FGGY: variants seen among roughly 807,000 people sequenced by gnomAD.
FGGY encodes FGGY carbohydrate kinase domain-containing protein.
In FGGY, 72 loss-of-function variants were observed where a neutral mutation model predicts 71.3. That is an observed-to-expected ratio of 1.01 (90% CI 0.84 to 1.23). The LOEUF is 1.23. Ranked by LOEUF, FGGY falls within the 50% of genes most tolerant of loss-of-function variation. The pLI is 0.00. For missense variants in FGGY, 668 were observed against 682.3 expected (o/e 0.98, Z 0.23); for synonymous variants, 251 against 250.3 (o/e 1.00, Z -0.02).
At chr1:59,686,733 A>G (rs1037631570) in intron 14 of FGGY, among the ~76,000 whole-genome samples, 14 of 152,182 alleles carry the variant, frequency 9.2e-5, no homozygotes, top group African/African-American at 3.1e-4. Flanking sequence ...CGTATGATTC[A>G]TATTATAAGT....
intron 14 of FGGY, among the ~76,000 whole-genome samples, chr1:59,684,942 T>A (rs1005770526): frequency 6.6e-6 from 1 of 152,242 alleles, no homozygotes; most frequent in Non-Finnish European, 1.5e-5. Context: ...TGTGTTCATT[T>A]GATCTTCACC....
chr1:59,527,302 C>T (rs968910735), intron 7 of FGGY, among the ~76,000 whole-genome samples: 12 of 152,188 alleles, frequency 7.9e-5, no homozygotes, highest in Non-Finnish European at 1.2e-4. Context: ...TTGCTCCCTA[C>T]TAGTGCCTAG....
chr1:59,395,985 C>G (rs1012446767), intron 5 of FGGY, among the ~76,000 whole-genome samples: 1 of 152,146 alleles, frequency 6.6e-6, no homozygotes, highest in Non-Finnish European at 1.5e-5. Context: ...AATAATCACC[C>G]TAAGCCAGTT....
chr1:59,483,451 G>A (rs1187445064), intron 6 of FGGY, among the ~76,000 whole-genome samples: 1 of 152,164 alleles, frequency 6.6e-6, no homozygotes, highest in Non-Finnish European at 1.5e-5. Context: ...TAAAAGGGAA[G>A]TGCTGAGACC....
chr1:59,405,895 T>G (rs1557822330), intron 5 of FGGY, among the ~76,000 whole-genome samples: 1 of 151,882 alleles, frequency 6.6e-6, no homozygotes, highest in Non-Finnish European at 1.5e-5. Context: ...ATTATTCTAC[T>G]TCTTAGTGCT....
At chr1:59,623,459 G>A (rs964689877) in intron 9 of FGGY, among the ~76,000 whole-genome samples, 1 of 152,138 alleles carries the variant, frequency 6.6e-6, no homozygotes, top group African/African-American at 2.4e-5. Context: ...GTGCCACCAA[G>A]GAGAAGTACA....
chr1:59,684,742 G>A (rs1459880778), intron 14 of FGGY, among the ~76,000 whole-genome samples: 1 of 152,142 alleles, frequency 6.6e-6, no homozygotes. Flanking sequence ...AAGTCACCTT[G>A]CTGAACCTCA....
rs190190323 is a variant in FGGY at position 59,523,808 on chromosome 1, G to C, written c.799+11369G>C. Among the ~76,000 whole-genome samples the C allele has an allele frequency of 9.8e-5, 15 of 152,298 alleles. No individual in the cohort carries two copies. The East Asian group carries it at 2.9e-3, about 29-fold the overall frequency. On this transcript the variant is annotated intron_variant, in intron 7 of 15. Coordinates refer to ENST00000303721, the MANE Select transcript of FGGY (RefSeq NM_018291.5). The stretch of plus-strand genomic sequence containing the variant: ...GTAAGATAGTTAAAAACACACTACT[G>C]GTTCCATCAGCTGTCTCTTTGCCCT...
intron 7 of FGGY, among the ~76,000 whole-genome samples, chr1:59,546,635 T>C (rs893754048): frequency 5.3e-5 from 8 of 151,892 alleles, no homozygotes; most frequent in Non-Finnish European, 1.0e-4. Flanking sequence ...CAAGCTCTGC[T>C]TCCCAGGTTC....
At chr1:59,570,707 A>G (rs2095970461) in intron 8 of FGGY, among the ~76,000 whole-genome samples, 1 of 152,178 alleles carries the variant, frequency 6.6e-6, no homozygotes, top group South Asian at 2.1e-4. Flanking sequence ...CTTTCAATGT[A>G]AATAGGAAGT....
At chr1:59,684,459 G>A (rs773713667) in intron 14 of FGGY, among the ~76,000 whole-genome samples, 7 of 152,144 alleles carry the variant, frequency 4.6e-5, no homozygotes, top group African/African-American at 1.2e-4. Flanking sequence ...TCAGGGTACC[G>A]TGGGACCCCC....
chr1:59,667,139 C>T, intron 12 of FGGY, 144 bp from the exon 13 acceptor site: 2 of 1,053,850 alleles, frequency 1.9e-6, no homozygotes, highest in Non-Finnish European at 2.8e-6. Flanking sequence ...TCATAGACAA[C>T]ATAATCTCTG....
At chr1:59,346,155 T>C in intron 3 of FGGY, 92 bp from the exon 4 acceptor site, 2 of 1,482,126 alleles carry the variant, frequency 1.3e-6, no homozygotes, top group Non-Finnish European at 1.8e-6. Flanking sequence ...AGAAAGTACA[T>C]AGCATTTTGA....
At chr1:59,301,219 T>C (rs2042688877) in intron 1 of FGGY, among the ~76,000 whole-genome samples, 1 of 152,226 alleles carries the variant, frequency 6.6e-6, no homozygotes. Flanking sequence ...TCCTATTTTT[T>C]GATGATATTG....
rs535136802 is a variant in FGGY at position 59,665,800 on chromosome 1, A to G, written c.1297-1483A>G. On this transcript the variant is annotated intron_variant, in intron 12 of 15. Coordinates refer to ENST00000303721, the MANE Select transcript of FGGY (RefSeq NM_018291.5). The stretch of plus-strand genomic sequence containing the variant: ...ACCATTCTCCTGCCTCAGCCTCCCA[A>G]GTAGCTTGCACTACAGGTGCCCGTC... Among the ~76,000 whole-genome samples, 18 of 152,038 alleles carry G rather than the reference A, an allele frequency of 1.2e-4. No individual in the cohort carries two copies. The South Asian group carries it at 3.3e-3, about 28-fold the overall frequency.
chr1:59,552,136 G>A (rs1270062539), intron 7 of FGGY, among the ~76,000 whole-genome samples: 3 of 152,150 alleles, frequency 2.0e-5, no homozygotes, highest in Admixed American at 6.5e-5. Context: ...TGAGGGCAGG[G>A]GACACCAGCC....
chr1:59,480,355 C>T (rs755890988), intron 6 of FGGY, among the ~76,000 whole-genome samples: 17 of 152,134 alleles, frequency 1.1e-4, no homozygotes, highest in Non-Finnish European at 2.2e-4. Context: ...GCAAGATCTG[C>T]TCTCATGGTC....
In FGGY at chr1:59,433,719, T is replaced by C. The variant is rs563260967; in HGVS notation, c.555-23242T>C. On this transcript the variant is annotated intron_variant, in intron 5 of 15. Transcript: ENST00000303721. ...GACACATAGAGCCCAATGAGAACTC[T>C]GTTGGAAACTCAAGTTTCTCATTCT... Among the ~76,000 whole-genome samples, 12 of 152,360 alleles carry C rather than the reference T, an allele frequency of 7.9e-5. No individual in the cohort carries two copies. The East Asian group carries it at 2.1e-3, about 27-fold the overall frequency.
rs145950972 is a variant in FGGY at position 59,567,320 on chromosome 1, A to AAT, written c.903+13106_903+13107dup. Among the ~76,000 whole-genome samples the AAT allele has an allele frequency of 4.7e-3, 718 of 151,518 alleles. 3 individuals carry two copies. The highest frequency in any genetic ancestry group is 9.2e-3 in the African/African-American group (379 of 41,352). On this transcript the variant is annotated intron_variant, in intron 8 of 15. Transcript: ENST00000303721. ...GAATTATACCTCAAAGCAGGCCAAAAATATATATATATATGTAAAACTGAT... is the reference window on the plus strand; with the variant it reads ...GAATTATACCTCAAAGCAGGCCAAAAATATATATATATATATGTAAAACTGAT...
Sources: allele counts gnomAD v4.1 joint callset (sites outside exome capture counted in the v4.1 genomes callset), GRCh38; gene constraint gnomAD v4.1.1; transcripts MANE v1.5; gene names NCBI Gene and HGNC (gene_info 2026-07-23, HGNC 2026-07-21).